The following PAPPA2 variants were observed in gnomAD, a reference collection of about 807,000 sequenced individuals.
PAPPA2 encodes pappalysin-2.
In PAPPA2, 86 loss-of-function variants were observed where a neutral mutation model predicts 176.4. The ratio of observed to expected loss-of-function variants is 0.49; its 90% CI spans 0.41 to 0.58. The LOEUF is 0.58. Ranked by LOEUF, PAPPA2 falls within the 20% of genes least tolerant of loss-of-function variation. The pLI is 0.00. For missense variants in PAPPA2, 2,073 were observed against 2,256.9 expected, an observed-to-expected ratio of 0.92 and a Z score of 1.65; for synonymous variants, 809 against 852.2, an observed-to-expected ratio of 0.95 and a Z score of 0.88.
chr1:176,696,567 G>A (rs1421507071), intron 7 of PAPPA2, among the ~76,000 whole-genome samples: 4 of 152,024 alleles, frequency 2.6e-5, no homozygotes, highest in Non-Finnish European at 4.4e-5. Context: ...ATATTAATGC[G>A]CCTAAGACAA....
At position 176,634,795 on chromosome 1, in the gene PAPPA2, GAGAGAGATAGATAGATAGAT is replaced by G. The variant is rs1258489976; in HGVS notation, c.1992-36171_1992-36152del. Reference sequence around the variant, plus strand: ...AATAGGTGTAGTTAAAATTTCCAAGGAGAGAGATAGATAGATAGATAGATAGATAGATAGATAGATAGATA... The same window carrying G: ...AATAGGTGTAGTTAAAATTTCCAAGGAGATAGATAGATAGATAGATAGATA... On this transcript the variant is annotated intron_variant, in intron 3 of 22. Coordinates refer to ENST00000367662, the MANE Select transcript of PAPPA2 (RefSeq NM_020318.3). Among the ~76,000 whole-genome samples the G allele has an allele frequency of 3.5e-3, 364 of 103,894 alleles. 1 individual carries two copies. The highest frequency in any genetic ancestry group is 0.013 in the African/African-American group (343 of 25,640). 68.2% of individuals were successfully genotyped at this position (103,894 alleles called of 152,430 possible).
intron 4 of PAPPA2, among the ~76,000 whole-genome samples, chr1:176,672,685 A>G (rs1659079553): frequency 1.3e-5 from 2 of 152,188 alleles, no homozygotes; most frequent in Admixed American, 1.3e-4. Context: ...ATACCAGAAA[A>G]TGGAGGCTAT....
chr1:176,666,561 ATGTG>A (rs139660279), intron 3 of PAPPA2, among the ~76,000 whole-genome samples: 19,626 of 109,412 alleles, frequency 0.18, 1,753 homozygotes, highest in Admixed American at 0.23. Flanking sequence ...GTAAATATAT[ATGTG>A]TGTGTGTGTG....
intron 2 of PAPPA2, among the ~76,000 whole-genome samples, chr1:176,570,615 G>A (rs909129662): frequency 6.6e-6 from 1 of 151,286 alleles, no homozygotes; most frequent in Non-Finnish European, 1.5e-5. Context: ...AGGGAACTTG[G>A]GCAATGCTCC....
At chr1:176,753,829 T>C (rs1008756069) in intron 14 of PAPPA2, among the ~76,000 whole-genome samples, 1 of 152,124 alleles carries the variant, frequency 6.6e-6, no homozygotes, top group Non-Finnish European at 1.5e-5. Context: ...GAAAGAATTA[T>C]AGCTGTTCAA....
At chr1:176,530,158 C>G (rs1052346349) in intron 1 of PAPPA2, among the ~76,000 whole-genome samples, 1 of 152,206 alleles carries the variant, frequency 6.6e-6, no homozygotes, top group Non-Finnish European at 1.5e-5. Context: ...AGGGTCCTGG[C>G]TGCTGCCTAC....
At chr1:176,796,760 CTCTT>C (rs561028251) in intron 20 of PAPPA2, among the ~76,000 whole-genome samples, 49 of 140,732 alleles carry the variant, frequency 3.5e-4, no homozygotes, top group Admixed American at 7.5e-4. Flanking sequence ...TCTTTTCCTT[CTCTT>C]TCTTTCTTTC....
At chr1:176,814,248 A>C (rs1666288142) in intron 21 of PAPPA2, among the ~76,000 whole-genome samples, 1 of 151,994 alleles carries the variant, frequency 6.6e-6, no homozygotes, top group South Asian at 2.1e-4. Context: ...TTTGTTTAGG[A>C]TTATATTGGC....
rs78117288 is a variant in PAPPA2 at position 176,472,899 on chromosome 1, C to T, written c.-917+9481C>T. The stretch of plus-strand genomic sequence containing the variant: ...TTCTAGAGGTATTTTACATTAATAG[C>T]AAAATTGAGCACAAGGCACAGAGAT... On this transcript the variant is annotated intron_variant, in intron 1 of 22. Transcript: ENST00000367662. Among the ~76,000 whole-genome samples, 756 of 152,154 alleles carry T rather than the reference C, an allele frequency of 5.0e-3. 8 individuals carry two copies. Among genetic ancestry groups the T allele is most frequent in the African/African-American group, 0.018 (733 of 41,514 alleles).
chr1:176,537,107 A>AT (rs1378914859), intron 1 of PAPPA2, among the ~76,000 whole-genome samples: 1 of 152,108 alleles, frequency 6.6e-6, no homozygotes, highest in Admixed American at 6.5e-5. Context: ...TAGACCAGAT[A>AT]TTTTCCTAGA....
chr1:176,613,336 G>C (rs553203915), intron 3 of PAPPA2, among the ~76,000 whole-genome samples: 7 of 152,324 alleles, frequency 4.6e-5, no homozygotes, highest in South Asian at 2.1e-4. Context: ...GAACTTCACT[G>C]CTGGACCATG....
intron 4 of PAPPA2, among the ~76,000 whole-genome samples, chr1:176,672,722 G>A (rs1462259004): frequency 1.3e-5 from 2 of 152,188 alleles, no homozygotes; most frequent in Non-Finnish European, 2.9e-5. Context: ...ACACATATAT[G>A]CATAACAAAT....
chr1:176,512,935 G>T (rs1310541080), intron 1 of PAPPA2, among the ~76,000 whole-genome samples: 4 of 152,040 alleles, frequency 2.6e-5, no homozygotes, highest in Non-Finnish European at 5.9e-5. Flanking sequence ...CAGGTATTTT[G>T]CAGGAAGCTG....
intron 1 of PAPPA2, among the ~76,000 whole-genome samples, chr1:176,477,826 C>T (rs962463824): frequency 6.6e-6 from 1 of 151,898 alleles, no homozygotes; most frequent in Admixed American, 6.6e-5. Flanking sequence ...TACAAAATTA[C>T]TTTTATGACC....
intron 17 of PAPPA2, among the ~76,000 whole-genome samples, chr1:176,785,324 T>C (rs1664888633): frequency 6.6e-6 from 1 of 152,108 alleles, no homozygotes. Context: ...GCCCTCACTA[T>C]TGGGCCCCGA....
intron 14 of PAPPA2, 84 bp from the exon 15 acceptor site, chr1:176,765,582 C>T (rs1663924989): frequency 7.5e-6 from 10 of 1,338,976 alleles, no homozygotes; most frequent in Non-Finnish European, 9.3e-6. Flanking sequence ...GTTTAGGAGC[C>T]CTCCCAGATG....
At chr1:176,520,901 G>A (rs1649178529) in intron 1 of PAPPA2, among the ~76,000 whole-genome samples, 1 of 152,116 alleles carries the variant, frequency 6.6e-6, no homozygotes, top group African/African-American at 2.4e-5. Context: ...GATCACCTGA[G>A]CCCAGGGGTT....
chr1:176,707,796 G>A (rs1660940825), intron 10 of PAPPA2, among the ~76,000 whole-genome samples: 1 of 152,028 alleles, frequency 6.6e-6, no homozygotes, highest in South Asian at 2.1e-4. Context: ...AACTACAGAG[G>A]ATATATATTT....
intron 2 of PAPPA2, among the ~76,000 whole-genome samples, chr1:176,574,661 A>G (rs1473380823): frequency 3.3e-5 from 5 of 152,216 alleles, no homozygotes; most frequent in Non-Finnish European, 5.9e-5. Context: ...GGCACATGAT[A>G]ACTCCAGGTT....
Sources: allele counts gnomAD v4.1 joint callset (sites outside exome capture counted in the v4.1 genomes callset), GRCh38; gene constraint gnomAD v4.1.1; transcripts MANE v1.5; gene names NCBI Gene and HGNC (gene_info 2026-07-23, HGNC 2026-07-21).